Variants in TRIO observed in about 807,000 individuals in gnomAD.
The protein encoded by TRIO is trio Rho guanine nucleotide exchange factor, also known as triple functional domain protein.
TRIO carries 58 observed loss-of-function variants against 351.9 expected under a neutral mutation model. The observed-to-expected ratio is 0.16, with a 90% CI of 0.13 to 0.21. The LOEUF (loss-of-function observed/expected upper bound fraction) is 0.21. Ranked by LOEUF, TRIO falls within the 10% of genes least tolerant of loss-of-function variation. The probability of loss-of-function intolerance (pLI) is 1.00; values close to 1 mark genes in which losing one functional copy is unlikely to be tolerated. For missense variants in TRIO, 3,201 were observed against 4,027.8 expected, an observed-to-expected ratio of 0.79 and a Z score of 5.56; for synonymous variants, 1,758 against 1,595.7, an observed-to-expected ratio of 1.10 and a Z score of -2.42.
intron 1 of TRIO, among the ~76,000 whole-genome samples, chr5:14,257,941 A>T (rs1165750381): frequency 6.6e-6 from 1 of 152,216 alleles, no homozygotes; most frequent in African/African-American, 2.4e-5. Context: ...TGCTACTGTT[A>T]GCATTTGTTA....
chr5:14,455,490 A>T (rs1275060762), intron 34 of TRIO, among the ~76,000 whole-genome samples: 1 of 151,910 alleles, frequency 6.6e-6, no homozygotes, highest in Non-Finnish European at 1.5e-5. Flanking sequence ...TGCATTTACA[A>T]ACCTTGAGCT....
chr5:14,480,056 C>T (rs1329493617), intron 43 of TRIO, 45 bp downstream of exon 43: 2 of 1,575,534 alleles, frequency 1.3e-6, no homozygotes, highest in Non-Finnish European at 8.7e-7. Context: ...AGTGAGTTTG[C>T]TGAGAAAATA....
intron 31 of TRIO, among the ~76,000 whole-genome samples, chr5:14,405,513 GCC>G (rs1257598853): frequency 6.6e-6 from 1 of 152,198 alleles, no homozygotes; most frequent in East Asian, 1.9e-4. Flanking sequence ...TGCCTCAATA[GCC>G]TCAGAGGCGT....
At chr5:14,185,600 A>G (rs1790059054) in intron 1 of TRIO, among the ~76,000 whole-genome samples, 1 of 152,202 alleles carries the variant, frequency 6.6e-6, no homozygotes, top group Non-Finnish European at 1.5e-5. Context: ...AGCTCTTCTC[A>G]GGCCAAATGC....
At chr5:14,423,320 C>T (rs976800851) in intron 34 of TRIO, among the ~76,000 whole-genome samples, 1 of 152,278 alleles carries the variant, frequency 6.6e-6, no homozygotes, top group Admixed American at 6.5e-5. Flanking sequence ...CTCTCTTCCA[C>T]TCGAGTGTGT....
chr5:14,357,526 C>A (rs1357644853), intron 11 of TRIO, among the ~76,000 whole-genome samples: 1 of 152,206 alleles, frequency 6.6e-6, no homozygotes, highest in Admixed American at 6.5e-5. Flanking sequence ...TCTCCAGCAG[C>A]CTGTTTTATG....
chr5:14,476,520 G>A (rs535035394), intron 40 of TRIO, among the ~76,000 whole-genome samples: 8 of 152,266 alleles, frequency 5.3e-5, no homozygotes, highest in Non-Finnish European at 7.4e-5. Context: ...GGCCAGGCAC[G>A]GTGGCTCACG....
At chr5:14,334,502 C>T (rs771566302) in intron 10 of TRIO, among the ~76,000 whole-genome samples, 11 of 152,190 alleles carry the variant, frequency 7.2e-5, no homozygotes, top group Non-Finnish European at 1.5e-4. Context: ...CTTTCAGAAA[C>T]GTAATACTTG....
chr5:14,304,619 C>CA, intron 8 of TRIO, 27 bp downstream of exon 8: 1 of 1,594,540 alleles, frequency 6.3e-7, no homozygotes, highest in Non-Finnish European at 8.5e-7. Flanking sequence ...ACTTACATTG[C>CA]AAAGCAGCAT....
At chr5:14,270,030 C>T (rs1561274203) in intron 1 of TRIO, among the ~76,000 whole-genome samples, 1 of 152,156 alleles carries the variant, frequency 6.6e-6, no homozygotes, top group African/African-American at 2.4e-5. Context: ...CCCCAAATTC[C>T]CACGTAGGCA....
At chr5:14,336,443 C>T (rs1741427130) in intron 10 of TRIO, 93 bp from the exon 11 acceptor site, 1 of 1,293,958 alleles carries the variant, frequency 7.7e-7, no homozygotes, top group African/African-American at 1.5e-5. Context: ...AAAAATATCA[C>T]AAATTGACTG....
chr5:14,359,619 G>A (rs1341833959), intron 13 of TRIO, 88 bp downstream of exon 13: 2 of 1,480,406 alleles, frequency 1.4e-6, no homozygotes, highest in Non-Finnish European at 1.8e-6. Context: ...CTGCCCTGCT[G>A]AGGTCCTGTG....
At chr5:14,146,367 A>C (rs1167475600) in intron 1 of TRIO, among the ~76,000 whole-genome samples, 1 of 152,190 alleles carries the variant, frequency 6.6e-6, no homozygotes, top group East Asian at 1.9e-4. Flanking sequence ...AAAAGTGCCA[A>C]CCTGACTTAG....
chr5:14,364,735 A>G lies in TRIO; in HGVS notation c.2673A>G (p.Glu891=), dbSNP rs1579439060. The change falls in exon 15 of 57, where the codon GAA becomes GAG. Residue 891 remains glutamate (E), a synonymous_variant. Coordinates refer to ENST00000344204, the MANE Select transcript of TRIO (RefSeq NM_007118.4). The stretch of plus-strand genomic sequence containing the variant: ...AGTTTCTTCATGAAAAACAGCAGGA[A>G]TTGGATTTAGCCGCAGAGCAGCATC... ...LLEFLHEKQQ[E]LDLAAEQHRK... The G allele has an allele frequency of 6.2e-7, 1 of 1,612,238 alleles. No homozygotes were observed. Among genetic ancestry groups the G allele is most frequent in the Non-Finnish European group, 8.5e-7 (1 of 1,179,602 alleles).
At chr5:14,157,600 TTTC>T (rs938362889) in intron 1 of TRIO, among the ~76,000 whole-genome samples, 1 of 151,980 alleles carries the variant, frequency 6.6e-6, no homozygotes, top group Non-Finnish European at 1.5e-5. Flanking sequence ...TCTTTCTCTC[TTTC>T]TTTCGAGACA....
At chr5:14,197,065 G>C (rs947377584) in intron 1 of TRIO, among the ~76,000 whole-genome samples, 4 of 152,168 alleles carry the variant, frequency 2.6e-5, no homozygotes, top group African/African-American at 9.7e-5. Context: ...TGGAAGAATG[G>C]AGGCCTGATA....
chr5:14,292,908 C>T, intron 5 of TRIO, 104 bp from the exon 6 acceptor site: 1 of 1,520,486 alleles, frequency 6.6e-7, no homozygotes. Context: ...TTGAAGTTGT[C>T]CAGGGAAGGA....
At chr5:14,220,052 T>C (rs61531432) in intron 1 of TRIO, among the ~76,000 whole-genome samples, 4,882 of 145,624 alleles carry the variant, frequency 0.034, 243 homozygotes, top group African/African-American at 0.13. Flanking sequence ...TCTTCTTCTT[T>C]TTTTTTTTTT....
rs557332571 is a variant in TRIO at position 14,446,359 on chromosome 5, T to C, written c.5204-14660T>C. On this transcript the variant is annotated intron_variant, in intron 34 of 56. Coordinates refer to ENST00000344204, the MANE Select transcript of TRIO (RefSeq NM_007118.4). ...AAAAGCAGTTGCTCCAGCCCTCTTT[T>C]CTTTTTGTCTTTGGCCTTTATTGTT... Among the ~76,000 whole-genome samples the C allele has an allele frequency of 2.7e-4, 41 of 152,348 alleles. No individual in the cohort carries two copies. In the South Asian group the frequency reaches 7.7e-3, roughly 28 times the overall value.
Sources: allele counts gnomAD v4.1 joint callset (sites outside exome capture counted in the v4.1 genomes callset), GRCh38; gene constraint gnomAD v4.1.1; transcripts MANE v1.5; gene names NCBI Gene and HGNC (gene_info 2026-07-23, HGNC 2026-07-21).